Variants in RTTN observed in about 807,000 individuals in gnomAD.
RTTN encodes rotatin.
RTTN carries 182 observed loss-of-function variants against 269.2 expected under a neutral mutation model. The observed-to-expected ratio is 0.68, with a 90% CI of 0.60 to 0.76. The LOEUF is 0.76. RTTN is among the 30% of genes least tolerant of loss of function. RTTN has a pLI of 0.00. For synonymous variants in RTTN, 1,006 were observed against 963.5 expected, an observed-to-expected ratio of 1.04 and a Z score of -0.82; for missense variants, 2,545 against 2,608.6, an observed-to-expected ratio of 0.98 and a Z score of 0.53.
At chr18:70,029,583 G>C (rs1223805240) in intron 42 of RTTN, among the ~76,000 whole-genome samples, 3 of 152,090 alleles carry the variant, frequency 2.0e-5, no homozygotes, top group Non-Finnish European at 4.4e-5. Context: ...GTGTGACTAT[G>C]CTGTAATGAG....
rs3911730 is a variant in RTTN at position 70,204,107 on chromosome 18, A to C, written c.376T>G (p.Ser126Ala). 1,436,396 of 1,611,712 alleles carry C rather than the reference A, an allele frequency of 0.89. 657,817 individuals carry two copies. Among genetic ancestry groups the C allele is most frequent in the East Asian group, 1 (44,799 of 44,856 alleles). ...TTACCAGTTTGATTGGTTTGGTATG[A>C]GGCAGAAGATAGTGCAGGAACTTCC... ...PSEVPALSSA[S>A]YQTNQTELSK... Residue 126 changes from serine (S) to alanine (A), a missense_variant, in exon 3 of 49, where the codon TCA becomes GCA. By Grantham distance (99) the Ser-to-Ala change is moderately conservative (BLOSUM62 1). Coordinates refer to ENST00000640769, the MANE Select transcript of RTTN (RefSeq NM_173630.4).
intron 11 of RTTN, 61 bp downstream of exon 11, chr18:70,176,614 C>T: frequency 7.0e-7 from 1 of 1,431,288 alleles, no homozygotes; most frequent in Non-Finnish European, 9.3e-7. Context: ...AAGAAATTTA[C>T]AACAGAGCAT....
chr18:70,071,845 G>A (rs1568332385), intron 34 of RTTN, among the ~76,000 whole-genome samples: 4 of 152,040 alleles, frequency 2.6e-5, no homozygotes, highest in Admixed American at 2.6e-4. Flanking sequence ...TGCTTTCCTT[G>A]GAAAGATAAA....
At chr18:70,048,303 T>C (rs2057551547) in intron 39 of RTTN, 115 bp from the exon 40 acceptor site, 1 of 989,308 alleles carries the variant, frequency 1.0e-6, no homozygotes. Flanking sequence ...TACCAACTTG[T>C]GTGATTGTGT....
intron 35 of RTTN, among the ~76,000 whole-genome samples, chr18:70,062,216 T>C (rs1185663715): frequency 1.3e-5 from 2 of 152,224 alleles, no homozygotes; most frequent in South Asian, 4.1e-4. Flanking sequence ...TGGTTTGTAT[T>C]CCATGTTATT....
At chr18:70,058,176 C>T (rs1054258471) in intron 36 of RTTN, among the ~76,000 whole-genome samples, 6 of 152,092 alleles carry the variant, frequency 3.9e-5, no homozygotes, top group Non-Finnish European at 7.4e-5. Context: ...AAAATACTGG[C>T]TAAAATAGCA....
At chr18:70,143,849 A>G (rs1212565182) in intron 18 of RTTN, among the ~76,000 whole-genome samples, 1 of 151,954 alleles carries the variant, frequency 6.6e-6, no homozygotes, top group East Asian at 1.9e-4. Context: ...CATGTCAAAT[A>G]AGTTTTCCTT....
intron 16 of RTTN, among the ~76,000 whole-genome samples, chr18:70,149,393 C>T (rs949827614): frequency 6.6e-6 from 1 of 152,040 alleles, no homozygotes; most frequent in African/African-American, 2.4e-5. Flanking sequence ...AAATGCTACA[C>T]GCATGGAATC....
At chr18:70,049,542 T>A (rs1433689477) in intron 39 of RTTN, among the ~76,000 whole-genome samples, 1 of 152,128 alleles carries the variant, frequency 6.6e-6, no homozygotes, top group Non-Finnish European at 1.5e-5. Context: ...TGGTTAAAAA[T>A]TGTATCATGC....
At chr18:70,055,304 T>TAC (rs1394035748) in intron 37 of RTTN, among the ~76,000 whole-genome samples, 12 of 151,326 alleles carry the variant, frequency 7.9e-5, no homozygotes, top group East Asian at 1.9e-4. Context: ...TCTCTCTCTG[T>TAC]ACACACACAC....
At chr18:70,033,754 C>A in intron 40 of RTTN, among the ~76,000 whole-genome samples, 1 of 151,286 alleles carries the variant, frequency 6.6e-6, no homozygotes, top group African/African-American at 2.4e-5. Flanking sequence ...CATGAAAAAC[C>A]ATTCAAAAGA....
chr18:70,089,615 C>A (rs907993683), intron 30 of RTTN, among the ~76,000 whole-genome samples: 22 of 151,982 alleles, frequency 1.4e-4, no homozygotes, highest in African/African-American at 5.3e-4. Context: ...GAGGTGGATG[C>A]CAGAAACGTA....
chr18:70,013,710 A>T (rs1469063716), intron 46 of RTTN, among the ~76,000 whole-genome samples: 1 of 152,184 alleles, frequency 6.6e-6, no homozygotes, highest in Non-Finnish European at 1.5e-5. Context: ...TTACCTTCTT[A>T]ATACAATTGG....
At chr18:70,133,760 T>A (rs2060054502) in intron 23 of RTTN, among the ~76,000 whole-genome samples, 1 of 152,154 alleles carries the variant, frequency 6.6e-6, no homozygotes, top group South Asian at 2.1e-4. Context: ...GTCAGTAATA[T>A]TCTATGTCAA....
At chr18:70,129,967 A>G (rs2059957628) in intron 23 of RTTN, 1 of 152,076 alleles carries the variant, frequency 6.6e-6, no homozygotes, top group Non-Finnish European at 1.5e-5. Flanking sequence ...AAAGCTGGGC[A>G]AAAGATCTGA....
At chr18:70,149,386 T>C (rs2060479038) in intron 16 of RTTN, among the ~76,000 whole-genome samples, 1 of 151,986 alleles carries the variant, frequency 6.6e-6, no homozygotes, top group Admixed American at 6.6e-5. Context: ...GTGCTCTAAA[T>C]GCTACACGCA....
intron 10 of RTTN, among the ~76,000 whole-genome samples, chr18:70,184,716 T>G (rs8099482): frequency 0.25 from 8,350 of 34,048 alleles, 1,337 homozygotes; most frequent in African/African-American, 0.35. Flanking sequence ...TTTTTTTTTT[T>G]TGTGTGTGTG....
At position 70,188,112 on chromosome 18, in the gene RTTN, T is replaced by A; in HGVS notation, c.1301A>T (p.Asp434Val). ...AAAGAAAACATTGATTCTTACCATA[T>A]CTATACCAAAAAGGCTGCTGTCATC... ...IWDDSSLFGI[D>V]MKEKLLLVLG... Residue 434 changes from aspartate to valine, a missense_variant, in exon 10 of 49, where the codon GAT becomes GTT. Asp to Val is a radical substitution (Grantham distance 152). Transcript: ENST00000640769. 6.4e-7 allele frequency: 1 copy of A among 1,559,282 alleles called. No homozygotes were observed. The highest frequency in any genetic ancestry group is 1.1e-5 in the South Asian group (1 of 89,776).
At chr18:70,101,037 C>CT (rs1338527057) in intron 28 of RTTN, among the ~76,000 whole-genome samples, 1 of 152,088 alleles carries the variant, frequency 6.6e-6, no homozygotes, top group African/African-American at 2.4e-5. Flanking sequence ...CTAAAATTCT[C>CT]TTTTTTTGTT....
Sources: allele counts gnomAD v4.1 joint callset (sites outside exome capture counted in the v4.1 genomes callset), GRCh38; gene constraint gnomAD v4.1.1; transcripts MANE v1.5; gene names NCBI Gene and HGNC (gene_info 2026-07-23, HGNC 2026-07-21).